STAU2: variants seen among roughly 807,000 people sequenced by gnomAD.
The protein encoded by STAU2 is double-stranded RNA-binding protein Staufen homolog 2.
STAU2 carries 20 observed loss-of-function variants against 65.9 expected under a neutral mutation model. The ratio of observed to expected loss-of-function variants is 0.30; its 90% confidence interval spans 0.21 to 0.44. The LOEUF (loss-of-function observed/expected upper bound fraction) is 0.44. STAU2 is among the 20% of genes least tolerant of loss of function. The pLI, the probability that STAU2 is intolerant of heterozygous loss-of-function variation, is 1.00. For synonymous variants in STAU2, 232 were observed against 233.9 expected, an observed-to-expected ratio of 0.99 and a Z score of 0.07; for missense variants, 558 against 683.9, an observed-to-expected ratio of 0.82 and a Z score of 2.05.
chr8:73,593,419 G>T (rs1199651168), intron 11 of STAU2, among the ~76,000 whole-genome samples: 4 of 152,130 alleles, frequency 2.6e-5, no homozygotes, highest in Non-Finnish European at 5.9e-5. Context: ...CTCACTCCCT[G>T]CACTTAAAGA....
chr8:73,718,478 T>C (rs999988029), intron 3 of STAU2, among the ~76,000 whole-genome samples: 5 of 152,206 alleles, frequency 3.3e-5, no homozygotes, highest in African/African-American at 1.2e-4. Flanking sequence ...TTGCTTACAG[T>C]ATGAAACCCA....
At chr8:73,442,998 A>G (rs1345017317) in intron 13 of STAU2, among the ~76,000 whole-genome samples, 3 of 152,262 alleles carry the variant, frequency 2.0e-5, no homozygotes, top group African/African-American at 7.2e-5. Context: ...GGCAAAATGT[A>G]ACACAAAGCA....
At position 73,441,899 on chromosome 8, in the gene STAU2, T is replaced by G. The variant is rs561495028; in HGVS notation, c.1531-19197A>C. ...TATCACAACTTTGGAAGAAACTTTA[T>G]TAGGACAAACTTTAATATTTTTTTC... On this transcript the variant is annotated intron_variant, in intron 13 of 14. Transcript: ENST00000524300. 2.6e-5 allele frequency among the ~76,000 whole-genome samples: 4 copies of G among 152,372 alleles called. No homozygotes were observed. The South Asian group carries it at 8.3e-4, about 32-fold the overall frequency.
intron 13 of STAU2, among the ~76,000 whole-genome samples, chr8:73,541,619 T>C (rs1009626487): frequency 1.2e-4 from 19 of 152,128 alleles, no homozygotes; most frequent in African/African-American, 4.3e-4. Flanking sequence ...TGACTCCTAA[T>C]GGGCCCAGCT....
chr8:73,481,508 C>CAAA (rs1346555942), intron 13 of STAU2, among the ~76,000 whole-genome samples: 23 of 77,832 alleles, frequency 3.0e-4, no homozygotes, highest in African/African-American at 9.6e-4. Flanking sequence ...GCCAAAAAAA[C>CAAA]AAAAAAACAA....
At chr8:73,589,444 C>T (rs1015157637) in intron 11 of STAU2, among the ~76,000 whole-genome samples, 1 of 152,102 alleles carries the variant, frequency 6.6e-6, no homozygotes, top group Non-Finnish European at 1.5e-5. Flanking sequence ...TTTTACAACA[C>T]CTATGATTCA....
intron 12 of STAU2, among the ~76,000 whole-genome samples, chr8:73,553,539 A>G (rs1053323952): frequency 1.1e-4 from 17 of 152,210 alleles, no homozygotes; most frequent in Non-Finnish European, 2.2e-4. Flanking sequence ...ACAAAAATCT[A>G]TTCGACTTGG....
chr8:73,639,824 C>T (rs763995219), intron 6 of STAU2, among the ~76,000 whole-genome samples: 4 of 151,762 alleles, frequency 2.6e-5, no homozygotes, highest in Non-Finnish European at 2.9e-5. Flanking sequence ...TATTTGGAAA[C>T]GAAAATTTAA....
At chr8:73,667,844 GTC>G (rs1817348103) in intron 6 of STAU2, among the ~76,000 whole-genome samples, 1 of 152,194 alleles carries the variant, frequency 6.6e-6, no homozygotes, top group Non-Finnish European at 1.5e-5. Context: ...ATTAATGGAG[GTC>G]CAGAGCCTTG....
chr8:73,545,626 G>C (rs1395067589), intron 13 of STAU2, among the ~76,000 whole-genome samples: 1 of 148,412 alleles, frequency 6.7e-6, no homozygotes, highest in Non-Finnish European at 1.5e-5. Context: ...TCTCAAAGGA[G>C]TCAGAATTCT....
intron 5 of STAU2, among the ~76,000 whole-genome samples, chr8:73,676,909 T>C (rs1326843553): frequency 6.6e-6 from 1 of 152,212 alleles, no homozygotes; most frequent in African/African-American, 2.4e-5. Flanking sequence ...TTGAAAAGAA[T>C]TTCTATTCAT....
chr8:73,493,301 C>T (rs1396801418), intron 13 of STAU2, among the ~76,000 whole-genome samples: 1 of 151,510 alleles, frequency 6.6e-6, no homozygotes, highest in African/African-American at 2.4e-5. Flanking sequence ...TAAAAATTCT[C>T]CTCATGAAAA....
chr8:73,626,985 G>A (rs1322393816), intron 6 of STAU2, among the ~76,000 whole-genome samples: 1 of 151,970 alleles, frequency 6.6e-6, no homozygotes, highest in Non-Finnish European at 1.5e-5. Flanking sequence ...GGCAGAAGCA[G>A]TAAGATGTGC....
At chr8:73,634,034 A>G (rs1208277376) in intron 6 of STAU2, among the ~76,000 whole-genome samples, 1 of 152,166 alleles carries the variant, frequency 6.6e-6, no homozygotes, top group Non-Finnish European at 1.5e-5. Flanking sequence ...TTATACACTT[A>G]CAGACCACAG....
chr8:73,605,535 G>A (rs968504247), intron 9 of STAU2, among the ~76,000 whole-genome samples: 3 of 151,600 alleles, frequency 2.0e-5, no homozygotes, highest in East Asian at 1.9e-4. Flanking sequence ...TCTCAAACTC[G>A]TGACCTCAAG....
intron 4 of STAU2, among the ~76,000 whole-genome samples, chr8:73,689,745 A>T (rs1819194511): frequency 6.6e-6 from 1 of 152,206 alleles, no homozygotes; most frequent in African/African-American, 2.4e-5. Flanking sequence ...ATTACAAAAA[A>T]ATATATATTA....
chr8:73,639,363 G>C (rs542898261), intron 6 of STAU2, among the ~76,000 whole-genome samples: 5 of 152,194 alleles, frequency 3.3e-5, no homozygotes, highest in African/African-American at 1.2e-4. Context: ...GCTCTTTGAA[G>C]GGAGGACATG....
At chr8:73,517,543 C>T (rs1822809369) in intron 13 of STAU2, among the ~76,000 whole-genome samples, 1 of 152,194 alleles carries the variant, frequency 6.6e-6, no homozygotes, top group African/African-American at 2.4e-5. Context: ...TATACTTTGT[C>T]TCCTATGAAA....
intron 13 of STAU2, among the ~76,000 whole-genome samples, chr8:73,425,595 T>G (rs978856942): frequency 1.3e-5 from 2 of 152,164 alleles, no homozygotes; most frequent in African/African-American, 4.8e-5. Flanking sequence ...AGGGACCTCA[T>G]AGCTTCTCTT....
Sources: gnomAD v4.1 joint callset for allele counts (sites outside exome capture counted in the v4.1 genomes callset) on GRCh38, gnomAD v4.1.1 for gene constraint, MANE v1.5 for transcripts, NCBI Gene and HGNC (gene_info 2026-07-23, HGNC 2026-07-21) for gene names.